Variants in TENM1 observed in about 807,000 individuals in gnomAD.
TENM1 encodes the protein teneurin-1.
Under a neutral mutation model 174.8 loss-of-function variants are expected in TENM1, and 35 were observed. The ratio of observed to expected loss-of-function variants is 0.20; its 90% CI spans 0.15 to 0.27. TENM1 has a LOEUF of 0.27. Among genes scored for constraint, TENM1 ranks in the 10% least tolerant of loss-of-function variants. The pLI, the probability that TENM1 is intolerant of heterozygous loss-of-function variation, is 1.00. For missense variants in TENM1, 1,633 were observed against 2,130.1 expected (o/e 0.77, Z 4.59); for synonymous variants, 781 against 798.7 (o/e 0.98, Z 0.37).
At chrX:124,753,212 T>C (rs1279356675) in intron 3 of TENM1, among the ~76,000 whole-genome samples, 1 of 110,434 alleles carries the variant, frequency 9.1e-6, no homozygotes, top group Non-Finnish European at 1.9e-5. Flanking sequence ...ACGTCCCTTG[T>C]AATTTGGATT....
the TENM1 span, among the ~76,000 whole-genome samples, chrX:125,075,486 T>C: frequency 0.37 from 40,763 of 110,405 alleles, 7,786 homozygotes; most frequent in African/African-American, 0.75. Context: ...TATGTTTTCA[T>C]TACTCTTGTA....
intron 1 of TENM1, among the ~76,000 whole-genome samples, chrX:124,936,755 A>G (rs2058250558): frequency 8.9e-6 from 1 of 112,212 alleles, no homozygotes; most frequent in Non-Finnish European, 1.9e-5. Flanking sequence ...CTTAAAAAGT[A>G]GTATAACTAG....
At chrX:124,751,085 T>A (rs773993696) in intron 3 of TENM1, among the ~76,000 whole-genome samples, 45 of 111,898 alleles carry the variant, frequency 4.0e-4, no homozygotes, top group African/African-American at 1.3e-3. Context: ...TTATCCCAAG[T>A]TGATGCTGAA....
chrX:124,425,886 G>A (rs1257482795), intron 23 of TENM1, among the ~76,000 whole-genome samples: 5 of 111,264 alleles, frequency 4.5e-5, no homozygotes, highest in Non-Finnish European at 1.9e-5. Flanking sequence ...GGGGGCTCCT[G>A]CACGGGCCCA....
chrX:124,841,243 G>A (rs1385126062), intron 3 of TENM1, among the ~76,000 whole-genome samples: 4 of 111,669 alleles, frequency 3.6e-5, no homozygotes, highest in African/African-American at 9.8e-5. Flanking sequence ...CTCCTTCAGT[G>A]GAAAACACAC....
the TENM1 span, among the ~76,000 whole-genome samples, chrX:124,984,614 C>T: frequency 9.0e-6 from 1 of 111,423 alleles, no homozygotes; most frequent in South Asian, 3.8e-4. Flanking sequence ...ACCTTCAGGG[C>T]AGAGACAGAA....
At chrX:125,198,576 C>T in the TENM1 span, among the ~76,000 whole-genome samples, 2 of 111,549 alleles carry the variant, frequency 1.8e-5, no homozygotes, top group African/African-American at 6.5e-5. Context: ...GGAAGATTTT[C>T]AGGAAAATGA....
At chrX:125,034,351 A>G in the TENM1 span, among the ~76,000 whole-genome samples, 9 of 111,964 alleles carry the variant, frequency 8.0e-5, no homozygotes, top group Non-Finnish European at 1.7e-4. Flanking sequence ...AAAAGTTAGC[A>G]TTAATCTCCA....
chrX:125,051,498 A>G, the TENM1 span, among the ~76,000 whole-genome samples: 2 of 111,213 alleles, frequency 1.8e-5, no homozygotes, highest in African/African-American at 6.6e-5. Flanking sequence ...AAACAGAGAT[A>G]TAGACCAATG....
intron 3 of TENM1, among the ~76,000 whole-genome samples, chrX:124,754,662 T>C (rs1173680999): frequency 9.1e-6 from 1 of 110,129 alleles, no homozygotes; most frequent in Non-Finnish European, 1.9e-5. Context: ...GCTTTGAATG[T>C]GTCCCAGAGA....
intron 16 of TENM1, among the ~76,000 whole-genome samples, chrX:124,527,794 G>A (rs753362756): frequency 6.8e-5 from 7 of 102,632 alleles, no homozygotes; most frequent in Admixed American, 2.1e-4. Context: ...GACTACAGGC[G>A]CCCGCCACCA....
intron 27 of TENM1, among the ~76,000 whole-genome samples, chrX:124,395,731 A>G (rs918087887): frequency 1.8e-5 from 2 of 112,047 alleles, no homozygotes; most frequent in African/African-American, 6.5e-5. Flanking sequence ...GGAAGCCTAT[A>G]GGAAACCAGG....
the TENM1 span, among the ~76,000 whole-genome samples, chrX:125,200,652 TGTGA>T: frequency 1.8e-4 from 15 of 81,337 alleles, no homozygotes; most frequent in Non-Finnish European, 2.1e-4. Context: ...TGTGTGTGTG[TGTGA>T]GAGAGAGAGA....
intron 6 of TENM1, among the ~76,000 whole-genome samples, chrX:124,663,366 T>G (rs753548556): frequency 1.8e-5 from 2 of 112,163 alleles, no homozygotes; most frequent in Admixed American, 1.9e-4. Flanking sequence ...TGCAGATTTG[T>G]GCATTAAATT....
intron 21 of TENM1, 39 bp downstream of exon 24, chrX:124,487,170 A>T: frequency 8.7e-7 from 1 of 1,152,263 alleles, no homozygotes; most frequent in Non-Finnish European, 1.2e-6. Flanking sequence ...CTCATAGGCA[A>T]GAGGGGGCAT....
intron 20 of TENM1, among the ~76,000 whole-genome samples, chrX:124,496,483 AG>A (rs775856064): frequency 2.7e-5 from 3 of 112,292 alleles, no homozygotes; most frequent in South Asian, 7.4e-4. Context: ...GAAAATTTAA[AG>A]ATAAATGCTT....
chrX:124,563,919 A>C (rs2048884005), intron 12 of TENM1, 147 bp from the exon 16 acceptor site: 1 of 381,961 alleles, frequency 2.6e-6, no homozygotes, highest in African/African-American at 2.6e-5. Context: ...AGTTGGGTAC[A>C]TGGGCCTGTG....
the TENM1 span, among the ~76,000 whole-genome samples, chrX:125,161,787 A>T: frequency 8.9e-6 from 1 of 112,357 alleles, no homozygotes; most frequent in Admixed American, 9.4e-5. Context: ...GTTTTATTTT[A>T]TGTGAATTGT....
At chrX:124,880,790 C>T (rs2057290342) in intron 3 of TENM1, among the ~76,000 whole-genome samples, 1 of 111,462 alleles carries the variant, frequency 9.0e-6, no homozygotes, top group African/African-American at 3.3e-5. Flanking sequence ...ATTGAGATGT[C>T]CATATGGTTT....
Sources: allele counts gnomAD v4.1 joint callset (sites outside exome capture counted in the v4.1 genomes callset), GRCh38; gene constraint gnomAD v4.1.1; transcripts MANE v1.5; gene names NCBI Gene and HGNC (gene_info 2026-07-23, HGNC 2026-07-21).